ZNF518A: variants seen among roughly 807,000 people sequenced by gnomAD.
ZNF518A encodes the protein zinc finger protein 518A.
Under a neutral mutation model 102.7 loss-of-function variants are expected in ZNF518A, and 47 were observed. The ratio of observed to expected loss-of-function variants is 0.46; its 90% CI spans 0.36 to 0.58. ZNF518A has a LOEUF of 0.58. Among genes scored for constraint, ZNF518A ranks in the 20% least tolerant of loss-of-function variants. The pLI is 0.00. For missense variants in ZNF518A, 1,793 were observed against 1,699.8 expected (o/e 1.05, Z -0.96); for synonymous variants, 652 against 594.6 (o/e 1.10, Z -1.40).
Position 96,130,310 on chromosome 10 carries a change from GT to G in ZNF518A, c.-890del, listed in dbSNP as rs1337648573. 3.3e-5 allele frequency among the ~76,000 whole-genome samples: 5 copies of G among 152,246 alleles called. No homozygotes were observed. Among genetic ancestry groups the G allele is most frequent in the Admixed American group, 2.6e-4 (4 of 15,294 alleles). On this transcript the variant is annotated 5_prime_UTR_variant, in exon 1 of 6. Coordinates refer to ENST00000316045, the MANE Select transcript of ZNF518A (RefSeq NM_001330736.2). ...GCGCTTCCGCTTAACTTGCCGCAAAGTTTTTCTGGAGAAGTCGGGGTTTTTT... is the reference window on the plus strand; with the variant it reads ...GCGCTTCCGCTTAACTTGCCGCAAAGTTTTCTGGAGAAGTCGGGGTTTTTT...
At chr10:96,181,137 A>G (rs1591278205) in intron 1 of ZNF518A, among the ~76,000 whole-genome samples, 1 of 152,140 alleles carries the variant, frequency 6.6e-6, no homozygotes, top group South Asian at 2.1e-4. Flanking sequence ...GCTGCATAAA[A>G]GTCTTCTTTT....
chr10:96,136,178 G>A (rs1554874326), intron 3 of ZNF518A, among the ~76,000 whole-genome samples: 1 of 151,908 alleles, frequency 6.6e-6, no homozygotes, highest in East Asian at 2.0e-4. Flanking sequence ...TTGAAAAAAT[G>A]TGTATATTTC....
chr10:96,141,679 GTATTTAATTACTTTTGCA>G (rs797034277), intron 3 of ZNF518A, among the ~76,000 whole-genome samples: 11 of 151,874 alleles, frequency 7.2e-5, no homozygotes, highest in African/African-American at 2.4e-4. Flanking sequence ...TTCTAGATCT[GTATTTAATTACTTTTGCA>G]TATTTAATTA....
intron 1 of ZNF518A, among the ~76,000 whole-genome samples, chr10:96,175,881 T>TC (rs1554891401): frequency 0.15 from 8,901 of 59,362 alleles, 798 homozygotes; most frequent in Non-Finnish European, 0.17. Flanking sequence ...CTCCCTCCCT[T>TC]CCTTCCTTCC....
chr10:96,152,802 A>C (rs1386101976), intron 3 of ZNF518A, among the ~76,000 whole-genome samples: 1 of 152,252 alleles, frequency 6.6e-6, no homozygotes, highest in Non-Finnish European at 1.5e-5. Context: ...GAAAAGATGC[A>C]GCAAAATTAC....
At chr10:96,182,293 C>G (rs782556603) in intron 1 of ZNF518A, among the ~76,000 whole-genome samples, 1 of 152,204 alleles carries the variant, frequency 6.6e-6, no homozygotes, top group Non-Finnish European at 1.5e-5. Flanking sequence ...AGTTAGACTT[C>G]CTCATTTCCT....
chr10:96,174,428 G>A lies in ZNF518A; in HGVS notation n.35+18381G>A, dbSNP rs1554891237. ...AAATTGACAAGCTTTAGCTAGACTG[G>A]CCAAGAAAATAAGACTCAAATTACT... On this transcript the variant is annotated intron_variant and non_coding_transcript_variant, in intron 1 of 2. Coordinates refer to the ZNF518A transcript ENST00000442635. 2.6e-5 allele frequency among the ~76,000 whole-genome samples: 4 copies of A among 151,982 alleles called. 1 individual carries two copies. Among genetic ancestry groups the A allele is most frequent in the Admixed American group, 6.6e-5 (1 of 15,240 alleles).
exon 3 of ZNF518A, chr10:96,203,939 A>G (rs1564816435): frequency 4.0e-6 from 3 of 756,824 alleles, no homozygotes; most frequent in Non-Finnish European, 2.3e-6. Flanking sequence ...CAAGTGGGAG[A>G]AGATGCCAGG....
In ZNF518A at chr10:96,162,566, T is replaced by G. The variant is rs183454806; in HGVS notation, c.*1792T>G. 9.6e-5 allele frequency: 16 copies of G among 167,028 alleles called. No individual in the cohort carries two copies. The highest frequency in any genetic ancestry group is 3.6e-4 in the African/African-American group (15 of 41,582). 10.3% of individuals were successfully genotyped at this position (167,028 alleles called of 1,614,324 possible). A position where few individuals can be genotyped will look rare whatever the true frequency, so the allele number is the denominator to read the frequency against. ...CAGTTTGTCTACTTTCTTAGTGAAG[T>G]ATTTTTTGTATAAAATGTTACAATT... On this transcript the variant is annotated 3_prime_UTR_variant, in exon 6 of 6. Transcript: ENST00000316045.
chr10:96,168,079 A>G (rs2083152897), downstream of ZNF518A, among the ~76,000 whole-genome samples: 2 of 152,226 alleles, frequency 1.3e-5, no homozygotes, highest in African/African-American at 4.8e-5. Context: ...ATAATTACGC[A>G]GTTTTAAAAA....
chr10:96,196,738 G>T (rs587731141), intron 1 of ZNF518A, among the ~76,000 whole-genome samples: 155 of 152,240 alleles, frequency 1.0e-3, no homozygotes, highest in Non-Finnish European at 1.9e-3. Context: ...GTTCTTATAG[G>T]ATATACTGCC....
At chr10:96,181,044 G>GCA in intron 1 of ZNF518A, among the ~76,000 whole-genome samples, 2 of 152,154 alleles carry the variant, frequency 1.3e-5, no homozygotes, top group Admixed American at 6.5e-5. Flanking sequence ...ATTCTAACTG[G>GCA]TGTAAGATGG....
rs1554884353 is a variant in ZNF518A at position 96,158,208 on chromosome 10, T to C, written c.1886T>C (p.Val629Ala). 6.2e-7 allele frequency: 1 copy of C among 1,613,752 alleles called. No homozygotes were observed. The highest frequency in any genetic ancestry group is 1.7e-5 in the Admixed American group (1 of 59,974). ...AATTATGGCAACTGTGAGTTACCTG[T>C]TGAATCCTCCAACCAAGGATCATTA... ...CINYGNCELP[V>A]ESSNQGSLPF... The change falls in exon 6 of 6, where the codon GTT becomes GCT. Residue 629 changes from valine (V) to alanine (A), a missense_variant. Coordinates refer to ENST00000316045, the MANE Select transcript of ZNF518A (RefSeq NM_001330736.2).
At chr10:96,168,731 T>G (rs1342814588), downstream of ZNF518A, among the ~76,000 whole-genome samples, 1 of 152,184 alleles carries the variant, frequency 6.6e-6, no homozygotes, top group African/African-American at 2.4e-5. Context: ...CTGTTAATTC[T>G]CCTGAGGACC....
chr10:96,202,278 A>T (rs1308063342), intron 1 of ZNF518A, among the ~76,000 whole-genome samples: 1 of 152,304 alleles, frequency 6.6e-6, no homozygotes, highest in East Asian at 1.9e-4. Context: ...TAACAGGGTC[A>T]TTCCAGCTGC....
intron 1 of ZNF518A, among the ~76,000 whole-genome samples, chr10:96,173,731 G>C (rs1564801073): frequency 6.6e-6 from 1 of 152,072 alleles, no homozygotes; most frequent in Admixed American, 6.6e-5. Context: ...AACAACAAAA[G>C]ATTGGCAAGG....
rs1479486468 is a variant in ZNF518A, at chr10:96,158,358, G to T, written c.2036G>T (p.Ser679Ile). The T allele has an allele frequency of 6.2e-7, 1 of 1,613,570 alleles. No individual in the cohort carries two copies. The change falls in exon 6 of 6, where the codon AGT becomes ATT. Residue 679 changes from serine to isoleucine, a missense_variant. By Grantham distance (142) the Ser-to-Ile change is moderately radical (BLOSUM62 -2). This residue lies in a region of ZNF518A where 1,741 missense variants were observed against 1,622.6 expected (regional missense o/e 1.07). Coordinates refer to ENST00000316045, the MANE Select transcript of ZNF518A (RefSeq NM_001330736.2). ...SSKTVVQQPI[S>I]ESFLSLVRQE... ...AAAACAGTTGTCCAACAACCAATTA[G>T]TGAATCATTTTTATCACTAGTGAGG...
chr10:96,172,523 CAT>C (rs1234983451), intron 1 of ZNF518A, among the ~76,000 whole-genome samples: 1 of 151,838 alleles, frequency 6.6e-6, no homozygotes, highest in Non-Finnish European at 1.5e-5. Flanking sequence ...GGGTTTGTAA[CAT>C]GTAAACCTAT....
chr10:96,147,963 A>G (rs1197627389), intron 3 of ZNF518A, among the ~76,000 whole-genome samples: 2 of 150,282 alleles, frequency 1.3e-5, no homozygotes, highest in Non-Finnish European at 3.0e-5. Flanking sequence ...TGTTTCTCCT[A>G]TTTTTCATCT....
Sources: gnomAD v4.1 joint callset for allele counts (sites outside exome capture counted in the v4.1 genomes callset) on GRCh38, gnomAD v4.1.1 for gene constraint, gnomAD v4.1.1 regional missense constraint, MANE v1.5 for transcripts, NCBI Gene and HGNC (gene_info 2026-07-23, HGNC 2026-07-21) for gene names.